Variants in FAM13A observed in about 807,000 individuals in gnomAD.
FAM13A encodes the protein family with sequence similarity 13 member A.
A neutral mutation model predicts 129.6 loss-of-function variants in FAM13A; 76 were observed. The observed-to-expected ratio is 0.59, with a 90% CI of 0.49 to 0.71. The LOEUF is 0.71. Ranked by LOEUF, FAM13A falls within the 30% of genes least tolerant of loss-of-function variation. The pLI is 0.00. For missense variants in FAM13A, 1,108 were observed against 1,249.3 expected (o/e 0.89, Z 1.70); for synonymous variants, 443 against 449.9 (o/e 0.98, Z 0.20).
chr4:89,001,348 C>T (rs1449459243), intron 3 of FAM13A, among the ~76,000 whole-genome samples: 2 of 152,062 alleles, frequency 1.3e-5, no homozygotes, highest in African/African-American at 4.8e-5. Flanking sequence ...TGGGCAAATA[C>T]GTAGACATCA....
chr4:88,734,747 C>T (rs1268961548), intron 21 of FAM13A, among the ~76,000 whole-genome samples: 1 of 152,190 alleles, frequency 6.6e-6, no homozygotes, highest in Non-Finnish European at 1.5e-5. Context: ...GTAAGCATCC[C>T]ACAAAGCACA....
intron 5 of FAM13A, among the ~76,000 whole-genome samples, chr4:88,934,852 A>G (rs1427327180): frequency 1.3e-5 from 2 of 152,248 alleles, no homozygotes; most frequent in Admixed American, 1.3e-4. Flanking sequence ...GCCAAGGGCC[A>G]ACATATACAT....
At chr4:88,835,718 C>A (rs1470928942) in intron 7 of FAM13A, among the ~76,000 whole-genome samples, 2 of 151,732 alleles carry the variant, frequency 1.3e-5, no homozygotes, top group Non-Finnish European at 2.9e-5. Context: ...TGTGTAGTTC[C>A]CAATAGGATT....
chr4:88,976,626 C>A (rs545930734), intron 4 of FAM13A, among the ~76,000 whole-genome samples: 2 of 145,288 alleles, frequency 1.4e-5, no homozygotes, highest in South Asian at 2.1e-4. Flanking sequence ...ATCAAAATGT[C>A]ATAGAGCAAT....
At chr4:88,922,969 C>T (rs947838941) in intron 5 of FAM13A, among the ~76,000 whole-genome samples, 44 of 152,136 alleles carry the variant, frequency 2.9e-4, no homozygotes, top group East Asian at 7.7e-4. Context: ...ATAAATTCCT[C>T]GACACATACA....
chr4:88,904,199 G>C lies in FAM13A; in HGVS notation c.843+2180C>G, dbSNP rs556507563. On this transcript the variant is annotated intron_variant, in intron 6 of 23. Coordinates refer to ENST00000264344, the MANE Select transcript of FAM13A (RefSeq NM_014883.4). ...GTAAATTAGTTCAACCATTGTGGCAGAGAATATGGTGATTCTGCAAAGATC... is the reference window on the plus strand; with the variant it reads ...GTAAATTAGTTCAACCATTGTGGCACAGAATATGGTGATTCTGCAAAGATC... 7.9e-5 allele frequency among the ~76,000 whole-genome samples: 12 copies of C among 152,280 alleles called. No individual in the cohort carries two copies. In the South Asian group the frequency reaches 2.5e-3, roughly 32 times the overall value.
chr4:88,984,862 C>A (rs1183698398), intron 4 of FAM13A, among the ~76,000 whole-genome samples: 2 of 152,110 alleles, frequency 1.3e-5, no homozygotes, highest in African/African-American at 2.4e-5. Context: ...ATGGTGCAGC[C>A]ACTTCAGTAA....
chr4:88,777,949 C>A (rs906276020), intron 11 of FAM13A, among the ~76,000 whole-genome samples: 1 of 152,178 alleles, frequency 6.6e-6, no homozygotes, highest in Non-Finnish European at 1.5e-5. Context: ...TTCTAAGACA[C>A]CAAACTTACC....
intron 19 of FAM13A, among the ~76,000 whole-genome samples, chr4:88,744,083 G>A (rs965121075): frequency 1.3e-5 from 2 of 152,158 alleles, no homozygotes; most frequent in African/African-American, 4.8e-5. Flanking sequence ...CTAACCGAAG[G>A]AGAATATTTA....
chr4:88,943,493 T>C lies in FAM13A; in HGVS notation c.606-5252A>G, dbSNP rs1036175209. On this transcript the variant is annotated intron_variant, in intron 4 of 23. Coordinates refer to ENST00000264344, the MANE Select transcript of FAM13A (RefSeq NM_014883.4). The stretch of plus-strand genomic sequence containing the variant: ...AATAACCAAACTTGCTTGTCAATTA[T>C]ATCATTATTATAAAGGATTCTCATC... Among the ~76,000 whole-genome samples the C allele has an allele frequency of 3.9e-5, 6 of 152,256 alleles. No homozygotes were observed. In the South Asian group the frequency reaches 8.3e-4, roughly 21 times the overall value.
intron 5 of FAM13A, among the ~76,000 whole-genome samples, chr4:88,920,120 G>A (rs1750792629): frequency 6.6e-6 from 1 of 152,206 alleles, no homozygotes; most frequent in African/African-American, 2.4e-5. Flanking sequence ...TCTGGGGGCA[G>A]GGCACAGACA....
At chr4:88,824,401 C>T (rs546861207) in intron 7 of FAM13A, among the ~76,000 whole-genome samples, 107 of 152,222 alleles carry the variant, frequency 7.0e-4, no homozygotes, top group South Asian at 2.9e-3. Context: ...ATCTGCTTTT[C>T]TTTGCTATAC....
intron 6 of FAM13A, among the ~76,000 whole-genome samples, chr4:88,869,075 A>G (rs1022668269): frequency 6.6e-6 from 1 of 152,172 alleles, no homozygotes; most frequent in African/African-American, 2.4e-5. Context: ...ATGGTCTCCA[A>G]TCAGCTAGTT....
chr4:89,055,474 A>C (rs556740076), intron 1 of FAM13A, among the ~76,000 whole-genome samples: 1 of 152,296 alleles, frequency 6.6e-6, no homozygotes, highest in Non-Finnish European at 1.5e-5. Flanking sequence ...GGAAAATATA[A>C]AGTTTTATAC....
intron 6 of FAM13A, among the ~76,000 whole-genome samples, chr4:88,880,780 G>GGCC (rs2150123748): frequency 7.9e-6 from 1 of 127,068 alleles, no homozygotes; most frequent in Admixed American, 7.9e-5. Flanking sequence ...GTGCGGTGGG[G>GGCC]GGCGGGGGGG....
At chr4:88,964,060 CT>C (rs1225087648) in intron 4 of FAM13A, among the ~76,000 whole-genome samples, 1 of 152,172 alleles carries the variant, frequency 6.6e-6, no homozygotes, top group Non-Finnish European at 1.5e-5. Flanking sequence ...CAAGCAAAAA[CT>C]TCTGAACAGT....
At chr4:88,986,186 T>C (rs1443080897) in intron 4 of FAM13A, among the ~76,000 whole-genome samples, 1 of 151,494 alleles carries the variant, frequency 6.6e-6, no homozygotes. Context: ...CAGGCTGGAG[T>C]GCAGTGGCAC....
intron 21 of FAM13A, among the ~76,000 whole-genome samples, chr4:88,734,335 C>T (rs1403258224): frequency 1.3e-5 from 2 of 152,182 alleles, no homozygotes; most frequent in African/African-American, 2.4e-5. Context: ...CTGACCCTGC[C>T]TTACTCAGTA....
At chr4:88,917,179 C>T (rs1025259313) in intron 5 of FAM13A, among the ~76,000 whole-genome samples, 2 of 152,132 alleles carry the variant, frequency 1.3e-5, no homozygotes, top group Non-Finnish European at 2.9e-5. Context: ...ATTTATTTGG[C>T]TCATTCTGGA....
Sources: gnomAD v4.1 joint callset for allele counts (sites outside exome capture counted in the v4.1 genomes callset) on GRCh38, gnomAD v4.1.1 for gene constraint, MANE v1.5 for transcripts, NCBI Gene and HGNC (gene_info 2026-07-23, HGNC 2026-07-21) for gene names.